ANKRD30BL: variants seen among roughly 807,000 people sequenced by gnomAD.
The protein encoded by ANKRD30BL is putative ankyrin repeat domain-containing protein 30B-like.
In ANKRD30BL, 20 loss-of-function variants were observed where a neutral mutation model predicts 18.4. That is an observed-to-expected ratio of 1.09 (90% CI 0.77 to 1.58). The LOEUF (loss-of-function observed/expected upper bound fraction) is 1.58, where lower values mean the gene tolerates loss of function less well. ANKRD30BL is among the 40% of genes most tolerant of loss of function. ANKRD30BL has a pLI of 0.00. For missense variants in ANKRD30BL, 224 were observed against 268.6 expected, an observed-to-expected ratio of 0.83 and a Z score of 1.16; for synonymous variants, 72 against 100.9, an observed-to-expected ratio of 0.71 and a Z score of 1.72.
intron 1 of ANKRD30BL, among the ~76,000 whole-genome samples, chr2:132,226,943 G>A (rs199501720): frequency 1.3e-5 from 2 of 148,524 alleles, no homozygotes; most frequent in Non-Finnish European, 3.0e-5. Flanking sequence ...TTAAACCTTT[G>A]TTTTGATAGA....
chr2:132,231,234 T>C (rs1445724890), intron 1 of ANKRD30BL, among the ~76,000 whole-genome samples: 1 of 152,184 alleles, frequency 6.6e-6, no homozygotes, highest in Non-Finnish European at 1.5e-5. Flanking sequence ...TGAACTTTCT[T>C]TGATAGAGCA....
chr2:132,207,242 T>G (rs1679228589), intron 1 of ANKRD30BL, among the ~76,000 whole-genome samples: 1 of 152,160 alleles, frequency 6.6e-6, no homozygotes, highest in South Asian at 2.1e-4. Flanking sequence ...AAATAGCATT[T>G]AAATTTCTCC....
intron 1 of ANKRD30BL, among the ~76,000 whole-genome samples, chr2:132,184,072 A>G (rs1688521351): frequency 1.3e-5 from 2 of 152,012 alleles, no homozygotes; most frequent in South Asian, 4.2e-4. Flanking sequence ...GGGATAAAGG[A>G]ATCAAGATTT....
intron 1 of ANKRD30BL, among the ~76,000 whole-genome samples, chr2:132,221,866 G>A (rs1381647240): frequency 8.1e-6 from 1 of 124,038 alleles, no homozygotes; most frequent in African/African-American, 3.9e-5. Flanking sequence ...CGGGAGGGGG[G>A]AGGGGGAGTC....
chr2:132,196,695 A>T (rs1678975738), intron 1 of ANKRD30BL, among the ~76,000 whole-genome samples: 1 of 151,940 alleles, frequency 6.6e-6, no homozygotes, highest in Non-Finnish European at 1.5e-5. Context: ...CTGAAGCAGG[A>T]GAGGAGGCTG....
intron 1 of ANKRD30BL, among the ~76,000 whole-genome samples, chr2:132,173,827 A>C (rs984136159): frequency 2.0e-5 from 3 of 152,200 alleles, no homozygotes; most frequent in African/African-American, 2.4e-5. Context: ...TACTCTGGCC[A>C]TGTAAATATC....
chr2:132,154,574 T>C, intron 4 of ANKRD30BL, 88 bp downstream of exon 4: 1 of 524,244 alleles, frequency 1.9e-6, no homozygotes, highest in South Asian at 3.1e-5. Flanking sequence ...TAATTTTAAG[T>C]AAATGTTACT....
At chr2:132,220,417 A>G (rs1173690545) in intron 1 of ANKRD30BL, among the ~76,000 whole-genome samples, 6 of 150,142 alleles carry the variant, frequency 4.0e-5, no homozygotes, top group South Asian at 4.3e-4. Flanking sequence ...ATGCCGAGCC[A>G]AAGCTGGACT....
At chr2:132,189,718 C>A (rs1678806714) in intron 1 of ANKRD30BL, among the ~76,000 whole-genome samples, 1 of 151,916 alleles carries the variant, frequency 6.6e-6, no homozygotes, top group South Asian at 2.1e-4. Context: ...ATTAAAAGTA[C>A]CTCTTCTGCA....
At chr2:132,164,616 C>A (rs915033323), upstream of ANKRD30BL, among the ~76,000 whole-genome samples, 1 of 151,980 alleles carries the variant, frequency 6.6e-6, no homozygotes, top group African/African-American at 2.4e-5. Flanking sequence ...ATGCTTATGT[C>A]AGCACGTTTT....
In ANKRD30BL at chr2:132,253,206, G is replaced by A. The variant is rs770965494; in HGVS notation, n.441+4323C>T. ...AGGAACCCGGGCCGCAAGTGCATTC[G>A]AAGAGTCGATGATCAACGTGTCTTG... On this transcript the variant is annotated intron_variant and non_coding_transcript_variant, in intron 1 of 4. Transcript: ENST00000470729. 5.9e-5 allele frequency: 12 copies of A among 203,542 alleles called. No homozygotes were observed. The East Asian group carries it at 6.8e-4, about 12-fold the overall frequency. The allele number at this position is 203,542 out of a possible 1,614,324, so 12.6% of individuals were successfully genotyped here. A position where few individuals can be genotyped will look rare whatever the true frequency, so the allele number is the denominator to read the frequency against.
At chr2:132,170,121 CCTGT>C (rs1163106989) in intron 1 of ANKRD30BL, among the ~76,000 whole-genome samples, 1 of 151,764 alleles carries the variant, frequency 6.6e-6, no homozygotes, top group Admixed American at 6.6e-5. Flanking sequence ...TCCTTCAAAC[CCTGT>C]CTAATTTCTA....
At chr2:132,181,050 A>G (rs1688451821) in intron 1 of ANKRD30BL, among the ~76,000 whole-genome samples, 1 of 152,074 alleles carries the variant, frequency 6.6e-6, no homozygotes, top group African/African-American at 2.4e-5. Flanking sequence ...AGGCTGAGGC[A>G]GGAGAATTGC....
At chr2:132,238,019 A>T (rs375482353) in intron 1 of ANKRD30BL, among the ~76,000 whole-genome samples, 8 of 151,642 alleles carry the variant, frequency 5.3e-5, no homozygotes, top group African/African-American at 1.4e-4. Context: ...TTGCATTCAA[A>T]TCACAGATTC....
At position 132,157,108 on chromosome 2, in the gene ANKRD30BL, G is replaced by C. The variant is rs561226825; in HGVS notation, c.372C>G (p.Leu124=). The C allele has an allele frequency of 6.9e-7, 1 of 1,447,454 alleles. No homozygotes were observed. The highest frequency in any genetic ancestry group is 1.4e-5 in the African/African-American group (1 of 69,772). 89.7% of individuals were successfully genotyped at this position (1,447,454 alleles called of 1,614,324 possible). A position where few individuals can be genotyped will look rare whatever the true frequency, so the allele number is the denominator to read the frequency against. ...TATTTGGATCAGCACCAGAATCTAT[G>C]AGAATATTTGCACAAGCCTCCCTCT... ...QCQREACANI[L]IDSGADPNIV... Residue 124 remains leucine (L), a synonymous_variant, in exon 3 of 6, where the codon CTC becomes CTG. Coordinates refer to ENST00000409867, the MANE Select transcript of ANKRD30BL (RefSeq NM_001358416.1).
upstream of ANKRD30BL, among the ~76,000 whole-genome samples, chr2:132,162,933 G>A (rs986902074): frequency 6.6e-6 from 1 of 152,212 alleles, no homozygotes; most frequent in African/African-American, 2.4e-5. Flanking sequence ...GTTCTGACAG[G>A]CACGGATGGC....
rs779298826 is a variant in ANKRD30BL, at chr2:132,157,139, T to G, written c.341A>C (p.Gln114Pro). 13 of 1,428,806 alleles carry G rather than the reference T, an allele frequency of 9.1e-6. No individual in the cohort carries two copies. Among genetic ancestry groups the G allele is most frequent in the Non-Finnish European group, 2.9e-6 (3 of 1,047,600 alleles). 88.5% of individuals were successfully genotyped at this position (1,428,806 alleles called of 1,614,324 possible). A position where few individuals can be genotyped will look rare whatever the true frequency, so the allele number is the denominator to read the frequency against. Reference sequence around the variant, plus strand: ...ATTTGCACAAGCCTCCCTCTGGCATTGCAGAGCCTGTCAGTATTAAAGCAA... The same window carrying G: ...ATTTGCACAAGCCTCCCTCTGGCATGGCAGAGCCTGTCAGTATTAAAGCAA... The part of the protein sequence containing the change: ...ENRTILMKAL[Q>P]CQREACANIL... The change falls in exon 3 of 6, where the codon CAA becomes CCA. Residue 114 changes from glutamine (Q) to proline (P), a missense_variant. By Grantham distance (76) the Gln-to-Pro change is moderately conservative. Coordinates refer to ENST00000409867, the MANE Select transcript of ANKRD30BL (RefSeq NM_001358416.1).
intron 1 of ANKRD30BL, among the ~76,000 whole-genome samples, chr2:132,177,336 T>C (rs1688381987): frequency 6.6e-6 from 1 of 152,102 alleles, no homozygotes; most frequent in East Asian, 1.9e-4. Context: ...GTATTTTTAG[T>C]AGAGACAGAG....
chr2:132,246,310 C>T (rs4261763), intron 1 of ANKRD30BL, among the ~76,000 whole-genome samples: 4,886 of 152,014 alleles, frequency 0.032, 269 homozygotes, highest in African/African-American at 0.11. Flanking sequence ...CCCATAAAAA[C>T]TAGACAGAAG....
Sources: gnomAD v4.1 joint callset for allele counts (sites outside exome capture counted in the v4.1 genomes callset) on GRCh38, gnomAD v4.1.1 for gene constraint, MANE v1.5 for transcripts, NCBI Gene and HGNC (gene_info 2026-07-23, HGNC 2026-07-21) for gene names.